The following CACNA2D3 variants were observed in gnomAD, a reference collection of about 807,000 sequenced individuals.
CACNA2D3 encodes voltage-dependent calcium channel subunit alpha-2/delta-3.
CACNA2D3 carries 60 observed loss-of-function variants against 160.6 expected under a neutral mutation model. The observed-to-expected ratio is 0.37, with a 90% confidence interval of 0.30 to 0.46. The LOEUF (loss-of-function observed/expected upper bound fraction) is 0.46. CACNA2D3 is among the 20% of genes least tolerant of loss of function. The probability of loss-of-function intolerance (pLI) is 1.00; values close to 1 mark genes in which losing one functional copy is unlikely to be tolerated. For synonymous variants in CACNA2D3, 558 were observed against 492.9 expected (o/e 1.13, Z -1.75); for missense variants, 1,205 against 1,365.0 (o/e 0.88, Z 1.85).
intron 11 of CACNA2D3, among the ~76,000 whole-genome samples, chr3:54,736,013 ATATACACATACATATATATATG>A: frequency 2.1e-5 from 2 of 93,314 alleles, no homozygotes; most frequent in Admixed American, 1.1e-4. Context: ...ATATGTATAT[ATATACACATACATATATATATG>A]TATATATATA....
chr3:54,521,147 T>C (rs907841073), intron 5 of CACNA2D3, among the ~76,000 whole-genome samples: 1 of 152,234 alleles, frequency 6.6e-6, no homozygotes, highest in African/African-American at 2.4e-5. Context: ...TGGATCAAAT[T>C]GTAACTCTGT....
intron 35 of CACNA2D3, among the ~76,000 whole-genome samples, chr3:55,030,626 G>A (rs1170652545): frequency 6.6e-6 from 1 of 152,114 alleles, no homozygotes; most frequent in Non-Finnish European, 1.5e-5. Flanking sequence ...TAATAATTGG[G>A]ATTAAAACCT....
intron 10 of CACNA2D3, chr3:54,637,759 G>A (rs1244272342): frequency 1.3e-5 from 2 of 151,994 alleles, no homozygotes; most frequent in African/African-American, 4.8e-5. Flanking sequence ...TCTTCAGCCA[G>A]TAAGCCAAGA....
chr3:54,279,912 A>C (rs1038919681), intron 2 of CACNA2D3, among the ~76,000 whole-genome samples: 4 of 152,132 alleles, frequency 2.6e-5, no homozygotes, highest in African/African-American at 9.7e-5. Context: ...TTTTACACGA[A>C]GCAAAGGTTC....
rs1339366181 is a variant in CACNA2D3, at chr3:54,478,555, C to A, written c.382-24937C>A. On this transcript the variant is annotated intron_variant, in intron 4 of 37. Transcript: ENST00000474759. The stretch of plus-strand genomic sequence containing the variant: ...GCTGAGGCAGGAGAATGGTGTGAAC[C>A]TGGGAGGCGGAGCTTGCAGTGAGCC... Among the ~76,000 whole-genome samples, 3 of 147,762 alleles carry A rather than the reference C, an allele frequency of 2.0e-5. No homozygotes were observed. In the East Asian group the frequency reaches 6.0e-4, roughly 30 times the overall value.
intron 27 of CACNA2D3, among the ~76,000 whole-genome samples, chr3:54,915,314 A>G (rs1247812088): frequency 6.6e-6 from 1 of 152,142 alleles, no homozygotes; most frequent in Non-Finnish European, 1.5e-5. Context: ...AGACAGCTAC[A>G]ATATCTGTGA....
At chr3:54,541,282 A>G (rs1446612675) in intron 5 of CACNA2D3, among the ~76,000 whole-genome samples, 97 of 75,912 alleles carry the variant, frequency 1.3e-3, no homozygotes, top group African/African-American at 3.4e-3. Flanking sequence ...GTCTCAGAAA[A>G]AAAAAAAAAA....
At chr3:54,815,919 C>G (rs1703438174) in intron 13 of CACNA2D3, among the ~76,000 whole-genome samples, 1 of 152,148 alleles carries the variant, frequency 6.6e-6, no homozygotes, top group Non-Finnish European at 1.5e-5. Context: ...CATGTTAATT[C>G]CATTCCAGAT....
chr3:54,283,578 T>A (rs1297337293), intron 2 of CACNA2D3, among the ~76,000 whole-genome samples: 1 of 152,220 alleles, frequency 6.6e-6, no homozygotes, highest in Non-Finnish European at 1.5e-5. Context: ...TTTCTGGCTT[T>A]CATTGTAGTG....
At chr3:54,809,869 A>G (rs969004929) in intron 13 of CACNA2D3, among the ~76,000 whole-genome samples, 2 of 152,170 alleles carry the variant, frequency 1.3e-5, no homozygotes, top group African/African-American at 4.8e-5. Context: ...TAGGAATACA[A>G]CAGTGAATAA....
At chr3:54,905,892 A>G (rs1395612674) in intron 27 of CACNA2D3, among the ~76,000 whole-genome samples, 51 of 152,120 alleles carry the variant, frequency 3.4e-4, no homozygotes, top group Admixed American at 3.3e-3. Flanking sequence ...ATCTTGATTC[A>G]TTTCTTTATT....
intron 2 of CACNA2D3, among the ~76,000 whole-genome samples, chr3:54,301,361 G>C (rs112803807): frequency 6.6e-6 from 1 of 151,830 alleles, no homozygotes. Flanking sequence ...CACTTTGGGA[G>C]GCCAAGGCAG....
intron 35 of CACNA2D3, among the ~76,000 whole-genome samples, chr3:55,040,072 C>T (rs1370357097): frequency 1.3e-5 from 2 of 152,102 alleles, no homozygotes; most frequent in Non-Finnish European, 2.9e-5. Context: ...TGGTCAGGTT[C>T]TGGTAACGGC....
At chr3:54,604,972 A>G (rs191654545) in intron 9 of CACNA2D3, among the ~76,000 whole-genome samples, 1 of 152,328 alleles carries the variant, frequency 6.6e-6, no homozygotes, top group Non-Finnish European at 1.5e-5. Context: ...GGAGGCTGAC[A>G]GTCTGAAAAT....
At chr3:54,950,009 A>G (rs1701717075) in intron 27 of CACNA2D3, among the ~76,000 whole-genome samples, 1 of 152,198 alleles carries the variant, frequency 6.6e-6, no homozygotes, top group African/African-American at 2.4e-5. Context: ...AAAGAAAAAG[A>G]TTCGTCTTGA....
At position 54,541,256 on chromosome 3, in the gene CACNA2D3, A is replaced by G. The variant is rs549242484; in HGVS notation, c.545-21544A>G. On this transcript the variant is annotated intron_variant, in intron 5 of 37. Transcript: ENST00000474759. The stretch of plus-strand genomic sequence containing the variant: ...TACACCATTGCACTCCAGCCTGGGC[A>G]ACAGAGCAAGACTCCGTCTCAGAAA... Among the ~76,000 whole-genome samples the G allele has an allele frequency of 2.9e-3, 383 of 133,478 alleles. 1 individual carries two copies. The highest frequency in any genetic ancestry group is 0.012 in the South Asian group (48 of 3,972). The allele number at this position is 133,478 out of a possible 152,430, so 87.6% of individuals were successfully genotyped here.
At chr3:55,029,551 G>A (rs1703645114) in intron 35 of CACNA2D3, among the ~76,000 whole-genome samples, 1 of 150,842 alleles carries the variant, frequency 6.6e-6, no homozygotes, top group South Asian at 2.1e-4. Context: ...AATAGTTTCA[G>A]TCAGGAAAAG....
chr3:54,572,027 G>A (rs1702506729), intron 8 of CACNA2D3, among the ~76,000 whole-genome samples: 1 of 151,962 alleles, frequency 6.6e-6, no homozygotes, highest in African/African-American at 2.4e-5. Flanking sequence ...CCCTAAACCC[G>A]CAAGGAGAGT....
chr3:54,592,648 T>G (rs1462817913), intron 9 of CACNA2D3, among the ~76,000 whole-genome samples: 1 of 152,080 alleles, frequency 6.6e-6, no homozygotes, highest in Non-Finnish European at 1.5e-5. Flanking sequence ...GAGAATGATA[T>G]GATTTTTCTC....
Sources: allele counts gnomAD v4.1 joint callset (sites outside exome capture counted in the v4.1 genomes callset), GRCh38; gene constraint gnomAD v4.1.1; transcripts MANE v1.5; gene names NCBI Gene and HGNC (gene_info 2026-07-23, HGNC 2026-07-21).